DPP10: variants seen among roughly 807,000 people sequenced by gnomAD.
The protein encoded by DPP10 is inactive dipeptidyl peptidase 10.
Under a neutral mutation model 120.9 loss-of-function variants are expected in DPP10, and 33 were observed. The observed-to-expected ratio is 0.27, with a 90% CI of 0.21 to 0.37. The LOEUF (loss-of-function observed/expected upper bound fraction) is 0.37. Ranked by LOEUF, DPP10 falls within the 10% of genes least tolerant of loss-of-function variation. The pLI is 1.00. For synonymous variants in DPP10, 337 were observed against 326.1 expected (o/e 1.03, Z -0.36); for missense variants, 816 against 942.8 (o/e 0.87, Z 1.76).
chr2:115,201,255 G>T (rs979991177), intron 1 of DPP10, among the ~76,000 whole-genome samples: 1 of 152,096 alleles, frequency 6.6e-6, no homozygotes, highest in African/African-American at 2.4e-5. Context: ...CTGAGGTCAG[G>T]AGTTCGAGAC....
intron 1 of DPP10, among the ~76,000 whole-genome samples, chr2:115,231,648 A>T (rs935530589): frequency 6.6e-6 from 1 of 152,208 alleles, no homozygotes; most frequent in African/African-American, 2.4e-5. Flanking sequence ...CTGGGATGCA[A>T]TGAATCTCAC....
intron 1 of DPP10, among the ~76,000 whole-genome samples, chr2:115,300,037 A>G (rs1308432289): frequency 1.3e-5 from 2 of 152,028 alleles, no homozygotes. Context: ...GGGCAATAAT[A>G]CTTTCTAAAG....
At chr2:114,534,648 G>T (rs1362646415) in intron 1 of DPP10, among the ~76,000 whole-genome samples, 1 of 151,734 alleles carries the variant, frequency 6.6e-6, no homozygotes, top group Admixed American at 6.6e-5. Context: ...TTTTCAGTAT[G>T]GTGCCCACAC....
chr2:115,354,859 G>A (rs575297484), intron 3 of DPP10, among the ~76,000 whole-genome samples: 1 of 152,068 alleles, frequency 6.6e-6, no homozygotes, highest in African/African-American at 2.4e-5. Flanking sequence ...CTTCATCCAT[G>A]TCCCTGCAAA....
chr2:114,788,711 T>C (rs553126629), intron 1 of DPP10, among the ~76,000 whole-genome samples: 1 of 152,232 alleles, frequency 6.6e-6, no homozygotes, highest in Non-Finnish European at 1.5e-5. Context: ...GTAGTAATAC[T>C]GGATATGATT....
chr2:114,671,401 C>T (rs773693654), intron 1 of DPP10, among the ~76,000 whole-genome samples: 13 of 152,022 alleles, frequency 8.6e-5, no homozygotes, highest in Non-Finnish European at 1.5e-4. Context: ...ATGTGATCTC[C>T]GATGTTGGAG....
intron 1 of DPP10, among the ~76,000 whole-genome samples, chr2:115,013,607 C>T (rs1392763508): frequency 1.7e-5 from 2 of 119,166 alleles, no homozygotes; most frequent in African/African-American, 6.5e-5. Context: ...GCAAAACACA[C>T]ATAGGCTCAA....
chr2:114,610,120 A>G (rs1037719347), intron 1 of DPP10, among the ~76,000 whole-genome samples: 6 of 152,194 alleles, frequency 3.9e-5, no homozygotes, highest in African/African-American at 1.4e-4. Context: ...CATCTTACGG[A>G]TGACGAAACT....
intron 10 of DPP10, among the ~76,000 whole-genome samples, chr2:115,746,650 A>G (rs966469204): frequency 6.6e-6 from 1 of 152,158 alleles, no homozygotes; most frequent in Non-Finnish European, 1.5e-5. Flanking sequence ...TATCCTATGT[A>G]TGAAATACTT....
intron 17 of DPP10, among the ~76,000 whole-genome samples, chr2:115,786,187 A>C (rs188910731): frequency 6.6e-6 from 1 of 152,320 alleles, no homozygotes; most frequent in East Asian, 1.9e-4. Flanking sequence ...GTAAAAGTGC[A>C]CACAGTTCAG....
chr2:115,675,511 T>C (rs1329880890), intron 5 of DPP10, among the ~76,000 whole-genome samples: 1 of 152,152 alleles, frequency 6.6e-6, no homozygotes, highest in African/African-American at 2.4e-5. Flanking sequence ...GAAGACCATC[T>C]GAGGCATGGA....
chr2:114,926,496 A>G (rs1695629557), intron 1 of DPP10, among the ~76,000 whole-genome samples: 1 of 152,190 alleles, frequency 6.6e-6, no homozygotes, highest in Non-Finnish European at 1.5e-5. Context: ...CCTTGGAGCA[A>G]GAGGCCTCCG....
chr2:114,927,928 G>C (rs1222860393), intron 1 of DPP10, among the ~76,000 whole-genome samples: 2 of 151,998 alleles, frequency 1.3e-5, no homozygotes, highest in Admixed American at 1.3e-4. Context: ...GAGGTTCTAG[G>C]CTCTTTTTAT....
chr2:114,826,496 G>A lies in DPP10; in HGVS notation c.60+383658G>A, dbSNP rs76977572. On this transcript the variant is annotated intron_variant, in intron 1 of 25. Coordinates refer to ENST00000410059, the MANE Select transcript of DPP10 (RefSeq NM_020868.6). Reference sequence around the variant, plus strand: ...ATTTATCAAAATTTCATGTGGCATGGGAGCTTTTGGAATTAAAGTTGCAAA... The same window carrying A: ...ATTTATCAAAATTTCATGTGGCATGAGAGCTTTTGGAATTAAAGTTGCAAA... Among the ~76,000 whole-genome samples, 212 of 152,232 alleles carry A rather than the reference G, an allele frequency of 1.4e-3. 5 individuals are homozygous for A. The East Asian group carries it at 0.038, about 27-fold the overall frequency.
intron 3 of DPP10, among the ~76,000 whole-genome samples, chr2:115,373,604 T>C (rs2065571839): frequency 6.6e-6 from 1 of 151,966 alleles, no homozygotes; most frequent in Admixed American, 6.6e-5. Flanking sequence ...AAAGGAAGAA[T>C]GTTTTCAAAA....
At chr2:114,676,063 G>C (rs1375893030) in intron 1 of DPP10, among the ~76,000 whole-genome samples, 1 of 152,114 alleles carries the variant, frequency 6.6e-6, no homozygotes, top group African/African-American at 2.4e-5. Context: ...GCTTCCCAAA[G>C]TGCTGGGATT....
At chr2:115,400,508 T>C (rs1559545589) in intron 3 of DPP10, among the ~76,000 whole-genome samples, 1 of 151,878 alleles carries the variant, frequency 6.6e-6, no homozygotes, top group Non-Finnish European at 1.5e-5. Flanking sequence ...AGTTCAAATA[T>C]GTTTAATACC....
At chr2:114,847,957 C>T (rs1688672459) in intron 1 of DPP10, among the ~76,000 whole-genome samples, 1 of 152,118 alleles carries the variant, frequency 6.6e-6, no homozygotes, top group Non-Finnish European at 1.5e-5. Flanking sequence ...ACAGGAAACT[C>T]AACAGGTGTT....
At chr2:115,192,468 G>T (rs952377657) in intron 1 of DPP10, among the ~76,000 whole-genome samples, 3 of 152,166 alleles carry the variant, frequency 2.0e-5, no homozygotes, top group African/African-American at 7.2e-5. Flanking sequence ...ACATGGCTTG[G>T]GGCCCCCAGT....
Sources: gnomAD v4.1 joint callset for allele counts (sites outside exome capture counted in the v4.1 genomes callset) on GRCh38, gnomAD v4.1.1 for gene constraint, MANE v1.5 for transcripts, NCBI Gene and HGNC (gene_info 2026-07-23, HGNC 2026-07-21) for gene names.